Variants in IPP observed in about 807,000 individuals in gnomAD.
IPP encodes actin-binding protein IPP.
Under a neutral mutation model 64.1 loss-of-function variants are expected in IPP, and 41 were observed. The observed-to-expected ratio is 0.64, with a 90% CI of 0.50 to 0.83. The LOEUF (loss-of-function observed/expected upper bound fraction) is 0.83. Ranked by LOEUF, IPP falls within the 40% of genes least tolerant of loss-of-function variation. The pLI, the probability that IPP is intolerant of heterozygous loss-of-function variation, is 0.00. For synonymous variants in IPP, 214 were observed against 235.2 expected, an observed-to-expected ratio of 0.91 and a Z score of 0.83; for missense variants, 649 against 703.0, an observed-to-expected ratio of 0.92 and a Z score of 0.87.
intron 3 of IPP, among the ~76,000 whole-genome samples, chr1:45,735,811 T>TA (rs1347500450): frequency 2.0e-5 from 1 of 50,788 alleles, no homozygotes; most frequent in Non-Finnish European, 4.5e-5. Context: ...GGCTAATTTT[T>TA]AAAAAAAATT....
intron 1 of IPP, among the ~76,000 whole-genome samples, chr1:45,749,559 C>T (rs534885549): frequency 1.5e-5 from 2 of 134,766 alleles, no homozygotes; most frequent in South Asian, 2.3e-4. Flanking sequence ...CTCGCTCTGT[C>T]GCCCAGGCTG....
At chr1:45,713,633 C>T (rs1316698631) in intron 8 of IPP, among the ~76,000 whole-genome samples, 1 of 152,130 alleles carries the variant, frequency 6.6e-6, no homozygotes, top group African/African-American at 2.4e-5. Flanking sequence ...GGCTTGATCA[C>T]AGCTCACTGC....
intron 8 of IPP, among the ~76,000 whole-genome samples, chr1:45,709,582 C>T (rs574886037): frequency 4.6e-5 from 7 of 151,546 alleles, no homozygotes; most frequent in Non-Finnish European, 8.8e-5. Flanking sequence ...CGGTGGTTCA[C>T]GCCTGTAATC....
At chr1:45,719,825 A>G (rs1206946698) in intron 5 of IPP, among the ~76,000 whole-genome samples, 1 of 152,032 alleles carries the variant, frequency 6.6e-6, no homozygotes, top group Non-Finnish European at 1.5e-5. Flanking sequence ...TCCTGGGTTC[A>G]TGACATTCTC....
intron 1 of IPP, among the ~76,000 whole-genome samples, chr1:45,747,105 T>C (rs1394445469): frequency 2.7e-5 from 4 of 148,818 alleles, no homozygotes; most frequent in African/African-American, 9.8e-5. Context: ...AGTGCGCGCA[T>C]GCGCGCGCAC....
At position 45,700,140 on chromosome 1, in the gene IPP, A is replaced by G. The variant is rs149056887; in HGVS notation, c.1581T>C (p.Cys527=). The change falls in exon 9 of 9, where the codon TGT becomes TGC. Residue 527 remains cysteine, a synonymous_variant. Transcript: ENST00000396478. ...ACAGAAGACCATTGACTGCCACAAC[A>G]CACATGCCTGCTCTAGGCACTTTCA... ...ASMKVPRAGM[C]VVAVNGLLYV... 6.8e-6 allele frequency: 11 copies of G among 1,613,884 alleles called. No homozygotes were observed. Among genetic ancestry groups the G allele is most frequent in the Non-Finnish European group, 8.5e-6 (10 of 1,179,982 alleles).
At chr1:45,738,850 A>AAAAAAAAAAAAAAAAAC (rs1646017353) in intron 3 of IPP, among the ~76,000 whole-genome samples, 2 of 139,128 alleles carry the variant, frequency 1.4e-5, no homozygotes, top group African/African-American at 2.7e-5. Context: ...AAAAAAAAAA[A>AAAAAAAAAAAAAAAAAC]AAAAAAAAAA....
At chr1:45,706,338 A>T (rs1259843518) in intron 8 of IPP, among the ~76,000 whole-genome samples, 5 of 152,196 alleles carry the variant, frequency 3.3e-5, no homozygotes, top group African/African-American at 4.8e-5. Flanking sequence ...CATGGCATGT[A>T]TCTGTAGTCC....
chr1:45,745,912 C>G (rs1412882399), intron 2 of IPP, among the ~76,000 whole-genome samples: 2 of 151,948 alleles, frequency 1.3e-5, no homozygotes, highest in Non-Finnish European at 2.9e-5. Flanking sequence ...CAATAAAATC[C>G]TGGTTTGTAA....
chr1:45,729,788 A>C lies in IPP; in HGVS notation c.725-19T>G. 6.9e-7 allele frequency: 1 copy of C among 1,449,660 alleles called. No homozygotes were observed. The highest frequency in any genetic ancestry group is 9.4e-7 in the Non-Finnish European group (1 of 1,065,126). 89.8% of individuals were successfully genotyped at this position (1,449,660 alleles called of 1,614,324 possible). On this transcript the variant is annotated intron_variant, in intron 3 of 8. Transcript: ENST00000396478. ...GATACTCCTAAAACAATATTTAAAA[A>C]GACAATGTTTTAAACAATTTTTAAA... is the stretch of plus-strand genomic sequence containing the variant.
At chr1:45,749,084 T>C (rs866747211) in intron 1 of IPP, among the ~76,000 whole-genome samples, 7 of 152,270 alleles carry the variant, frequency 4.6e-5, no homozygotes, top group Admixed American at 2.6e-4. Context: ...GCCTTTTCTG[T>C]TTTACATTTC....
At chr1:45,749,531 T>TG (rs1266126360) in intron 1 of IPP, among the ~76,000 whole-genome samples, 2 of 149,918 alleles carry the variant, frequency 1.3e-5, no homozygotes, top group Admixed American at 6.6e-5. Flanking sequence ...TTTTGTTTTT[T>TG]TTTTTTTGAG....
intron 3 of IPP, among the ~76,000 whole-genome samples, chr1:45,730,043 C>G (rs1248805934): frequency 6.6e-6 from 1 of 152,078 alleles, no homozygotes; most frequent in African/African-American, 2.4e-5. Context: ...TTCACAGTAT[C>G]CCCCCATGCA....
intron 3 of IPP, among the ~76,000 whole-genome samples, chr1:45,740,143 G>A (rs904419034): frequency 3.9e-5 from 6 of 152,168 alleles, no homozygotes; most frequent in African/African-American, 1.4e-4. Flanking sequence ...TTGGGGGTAA[G>A]GTCATAGATC....
chr1:45,739,775 T>A (rs1646034691), intron 3 of IPP, among the ~76,000 whole-genome samples: 1 of 152,138 alleles, frequency 6.6e-6, no homozygotes, highest in African/African-American at 2.4e-5. Flanking sequence ...GTATGCATTT[T>A]CTCCAAGTGT....
rs1646210040 is a variant in IPP at position 45,750,606 on chromosome 1, C to T, written c.-60G>A. 6.6e-6 allele frequency: 1 copy of T among 152,424 alleles called. No individual in the cohort carries two copies. Among genetic ancestry groups the T allele is most frequent in the Admixed American group, 6.5e-5 (1 of 15,290 alleles). The allele number at this position is 152,424 out of a possible 1,614,324, so 9.4% of individuals were successfully genotyped here. A position where few individuals can be genotyped will look rare whatever the true frequency, so the allele number is the denominator to read the frequency against. On this transcript the variant is annotated 5_prime_UTR_variant, in exon 1 of 9. Transcript: ENST00000396478. Reference sequence around the variant, plus strand: ...CGCAGGCCCTCCTTACCCGCCGCTTCCCCTTCCCTCCGGCGCCCGCTCAGG... The same window carrying T: ...CGCAGGCCCTCCTTACCCGCCGCTTTCCCTTCCCTCCGGCGCCCGCTCAGG...
chr1:45,740,618 C>G (rs1646050191), intron 3 of IPP, among the ~76,000 whole-genome samples: 1 of 152,224 alleles, frequency 6.6e-6, no homozygotes, highest in Non-Finnish European at 1.5e-5. Context: ...GTTAGTAGCT[C>G]TGTCAGTAAT....
At chr1:45,727,251 T>C (rs1169675222) in intron 5 of IPP, among the ~76,000 whole-genome samples, 1 of 152,154 alleles carries the variant, frequency 6.6e-6, no homozygotes, top group Admixed American at 6.6e-5. Flanking sequence ...AGTCTCGATA[T>C]ATTGCCCAGG....
At chr1:45,720,364 A>G (rs1303644036) in intron 5 of IPP, among the ~76,000 whole-genome samples, 1 of 152,200 alleles carries the variant, frequency 6.6e-6, no homozygotes, top group Non-Finnish European at 1.5e-5. Context: ...AAATAAATGA[A>G]GAGATGAATA....
Sources: gnomAD v4.1 joint callset for allele counts (sites outside exome capture counted in the v4.1 genomes callset) on GRCh38, gnomAD v4.1.1 for gene constraint, MANE v1.5 for transcripts, NCBI Gene and HGNC (gene_info 2026-07-23, HGNC 2026-07-21) for gene names.